ELFN1: variants seen among roughly 807,000 people sequenced by gnomAD.
The protein encoded by ELFN1 is extracellular leucine rich repeat and fibronectin type III domain containing 1, also known as protein ELFN1.
A neutral mutation model predicts 7.6 loss-of-function variants in ELFN1; 6 were observed. The observed-to-expected ratio is 0.79, with a 90% confidence interval of 0.43 to 1.56. The LOEUF is 1.56. Among genes scored for constraint, ELFN1 ranks in the 40% most tolerant of loss-of-function variants. ELFN1 has a pLI of 0.01. For synonymous variants in ELFN1, 657 were observed against 588.1 expected (o/e 1.12, Z -1.70); for missense variants, 1,169 against 1,232.2 (o/e 0.95, Z 0.77).
chr7:1,700,154 G>A (rs772968162), intron 2 of ELFN1, among the ~76,000 whole-genome samples: 3 of 152,254 alleles, frequency 2.0e-5, no homozygotes, highest in South Asian at 2.1e-4. Flanking sequence ...TGAAAGGCCC[G>A]ACATCCCCTC....
intron 1 of ELFN1, among the ~76,000 whole-genome samples, chr7:1,679,279 G>T (rs939543617): frequency 2.6e-5 from 4 of 152,140 alleles, no homozygotes; most frequent in African/African-American, 9.7e-5. Context: ...AGGGCTGGGC[G>T]GGAGGGCCAT....
intron 3 of ELFN1, among the ~76,000 whole-genome samples, chr7:1,721,996 A>C (rs920292819): frequency 6.6e-6 from 1 of 152,046 alleles, no homozygotes; most frequent in African/African-American, 2.4e-5. Flanking sequence ...ATCCTTTACT[A>C]CAACAGGTGC....
At chr7:1,714,172 G>A (rs1460175887) in intron 3 of ELFN1, among the ~76,000 whole-genome samples, 1 of 152,188 alleles carries the variant, frequency 6.6e-6, no homozygotes, top group Admixed American at 6.5e-5. Context: ...CTACGCCTCT[G>A]AGGTTGCATC....
intron 1 of ELFN1, among the ~76,000 whole-genome samples, chr7:1,687,552 T>A (rs2128578786): frequency 6.6e-6 from 1 of 152,134 alleles, no homozygotes; most frequent in African/African-American, 2.4e-5. Flanking sequence ...TGTACAGTTG[T>A]CTCAAAATAG....
intron 3 of ELFN1, among the ~76,000 whole-genome samples, chr7:1,711,523 G>A (rs13310312): frequency 6.1e-5 from 9 of 146,738 alleles, no homozygotes; most frequent in Middle Eastern, 3.7e-3. Flanking sequence ...GGAGACAGCC[G>A]GAGGCTCAGA....
intron 3 of ELFN1, among the ~76,000 whole-genome samples, chr7:1,716,763 C>T (rs1346481481): frequency 6.6e-6 from 1 of 152,200 alleles, no homozygotes; most frequent in Admixed American, 6.5e-5. Context: ...ATTCCAGCAG[C>T]TAAAGTGGGT....
chr7:1,720,118 C>T (rs1032658471), intron 3 of ELFN1, among the ~76,000 whole-genome samples: 4 of 152,220 alleles, frequency 2.6e-5, no homozygotes, highest in Non-Finnish European at 4.4e-5. Flanking sequence ...GTGTCCTTTG[C>T]GAGCCTGATG....
chr7:1,669,749 C>T (rs1384207503), upstream of ELFN1, among the ~76,000 whole-genome samples: 1 of 152,194 alleles, frequency 6.6e-6, no homozygotes, highest in East Asian at 1.9e-4. Flanking sequence ...CCCCTAGGTC[C>T]CTGCCCTCCC....
Position 1,744,871 on chromosome 7 carries a change from C to T in ELFN1, c.275C>T (p.Thr92Ile). The T allele has an allele frequency of 6.4e-7, 1 of 1,572,188 alleles. No individual in the cohort carries two copies. Among genetic ancestry groups the T allele is most frequent in the South Asian group, 1.2e-5 (1 of 85,666 alleles). ...GGCAACCTCACGTACCTCAACCTCA[C>T]CAAGAACGAGATCGGCTACATCGAG... Reference protein sequence around the residue: ...RFGNLTYLNLTKNEIGYIEDG... With the variant: ...RFGNLTYLNLIKNEIGYIEDG... The change falls in exon 4 of 4, where the codon ACC becomes ATC. Residue 92 changes from threonine to isoleucine, a missense_variant. Transcript: ENST00000424383.
upstream of ELFN1, among the ~76,000 whole-genome samples, chr7:1,668,792 C>A (rs567668403): frequency 8.5e-5 from 13 of 152,374 alleles, no homozygotes; most frequent in African/African-American, 1.7e-4. Context: ...TGGTCCAGGT[C>A]GGGGCAGAGG....
chr7:1,721,288 T>A (rs1380120473), intron 3 of ELFN1, among the ~76,000 whole-genome samples: 3 of 152,190 alleles, frequency 2.0e-5, no homozygotes, highest in African/African-American at 7.2e-5. Context: ...GGGTGTCACC[T>A]TGGAGAGGGA....
At chr7:1,680,292 T>G (rs935170014) in intron 1 of ELFN1, among the ~76,000 whole-genome samples, 5 of 152,178 alleles carry the variant, frequency 3.3e-5, no homozygotes, top group Non-Finnish European at 5.9e-5. Flanking sequence ...GTTTGATTTT[T>G]GGGAAGGTAC....
chr7:1,692,116 C>T (rs1312924391), intron 2 of ELFN1: 1 of 152,286 alleles, frequency 6.6e-6, no homozygotes, highest in Admixed American at 6.5e-5. Context: ...TCTGCTATTT[C>T]CTGCCTTCGT....
At chr7:1,677,689 G>A (rs889728021) in intron 1 of ELFN1, among the ~76,000 whole-genome samples, 4 of 152,102 alleles carry the variant, frequency 2.6e-5, no homozygotes, top group Admixed American at 6.5e-5. Flanking sequence ...GTGGGCAGCC[G>A]ATGTGGGTTC....
intron 3 of ELFN1, among the ~76,000 whole-genome samples, chr7:1,731,497 C>T (rs543555516): frequency 1.3e-5 from 2 of 152,228 alleles, no homozygotes; most frequent in South Asian, 4.2e-4. Flanking sequence ...ACAGAGGCCT[C>T]ATGAGAGGGT....
chr7:1,726,768 C>A (rs1015016747), intron 3 of ELFN1, among the ~76,000 whole-genome samples: 2 of 152,200 alleles, frequency 1.3e-5, no homozygotes, highest in African/African-American at 4.8e-5. Context: ...TCAGGTGGGA[C>A]ATGAGCCCAG....
At chr7:1,671,784 G>T (rs865793064) in intron 1 of ELFN1, among the ~76,000 whole-genome samples, 1 of 152,236 alleles carries the variant, frequency 6.6e-6, no homozygotes, top group Non-Finnish European at 1.5e-5. Context: ...TGGCTTACAG[G>T]TCCCAGCCCA....
At chr7:1,731,759 C>T (rs538341633) in intron 3 of ELFN1, among the ~76,000 whole-genome samples, 34 of 152,320 alleles carry the variant, frequency 2.2e-4, no homozygotes, top group Non-Finnish European at 3.1e-4. Context: ...AAACGATTCT[C>T]CTGTCTCAGC....
In ELFN1 at chr7:1,732,106, G is replaced by A. The variant is rs561210794; in HGVS notation, c.-293-12198G>A. Among the ~76,000 whole-genome samples, 3 of 152,338 alleles carry A rather than the reference G, an allele frequency of 2.0e-5. No individual in the cohort carries two copies. The South Asian group carries it at 6.2e-4, about 32-fold the overall frequency. On this transcript the variant is annotated intron_variant, in intron 3 of 3. Transcript: ENST00000424383. ...GTGGACTCTAGGTGGAGATAGATGG[G>A]AATCAGAGCCTGGCAGCGTGGGGTC...
Sources: gnomAD v4.1 joint callset for allele counts (sites outside exome capture counted in the v4.1 genomes callset) on GRCh38, gnomAD v4.1.1 for gene constraint, MANE v1.5 for transcripts, NCBI Gene and HGNC (gene_info 2026-07-23, HGNC 2026-07-21) for gene names.